The following GALK2 variants were observed in gnomAD, a reference collection of about 807,000 sequenced individuals.
The protein encoded by GALK2 is galactokinase 2.
In GALK2, 36 loss-of-function variants were observed where a neutral mutation model predicts 52.4. The ratio of observed to expected loss-of-function variants is 0.69; its 90% confidence interval spans 0.53 to 0.91. The LOEUF is 0.91. Among genes scored for constraint, GALK2 ranks in the 40% least tolerant of loss-of-function variants. The pLI, the probability that GALK2 is intolerant of heterozygous loss-of-function variation, is 0.00. For synonymous variants in GALK2, 176 were observed against 199.1 expected, an observed-to-expected ratio of 0.88 and a Z score of 0.98; for missense variants, 579 against 559.1, an observed-to-expected ratio of 1.04 and a Z score of -0.36.
At position 49,171,092 on chromosome 15, in the gene GALK2, T is replaced by TC. The variant is rs1485725575; in HGVS notation, c.53+717_53+718insC. Among the ~76,000 whole-genome samples the TC allele has an allele frequency of 5.4e-3, 808 of 149,172 alleles. 8 individuals carry two copies. The highest frequency in any genetic ancestry group is 0.019 in the African/African-American group (768 of 40,098). Reference sequence around the variant, plus strand: ...TTTCTTTTTCTTTTTCTTTTTTTTTTTTTTTTTGAGACGGAGTTTTGCTCT... The same window carrying TC: ...TTTCTTTTTCTTTTTCTTTTTTTTTTCTTTTTTTGAGACGGAGTTTTGCTCT... On this transcript the variant is annotated intron_variant, in intron 1 of 9. Coordinates refer to ENST00000560031, the MANE Select transcript of GALK2 (RefSeq NM_002044.4).
At chr15:49,222,560 A>G (rs2089870477) in intron 3 of GALK2, among the ~76,000 whole-genome samples, 1 of 152,142 alleles carries the variant, frequency 6.6e-6, no homozygotes, top group Admixed American at 6.6e-5. Context: ...GTGTTGTGGT[A>G]TATTTATTCT....
intron 1 of GALK2, among the ~76,000 whole-genome samples, chr15:49,173,247 A>G (rs1441883281): frequency 1.3e-5 from 2 of 152,200 alleles, no homozygotes. Context: ...ATGTATCAGT[A>G]TATCATTCCT....
At chr15:49,324,642 A>G (rs529637856) in intron 9 of GALK2, among the ~76,000 whole-genome samples, 215 of 152,294 alleles carry the variant, frequency 1.4e-3, no homozygotes, top group Non-Finnish European at 2.4e-3. Context: ...CACGGTGTCT[A>G]ACCTGGCTGT....
At chr15:49,199,728 G>A (rs1385459608) in intron 1 of GALK2, among the ~76,000 whole-genome samples, 1 of 152,176 alleles carries the variant, frequency 6.6e-6, no homozygotes, top group African/African-American at 2.4e-5. Context: ...GTTAAGTCTT[G>A]TAGAGTCAAG....
intron 1 of GALK2, among the ~76,000 whole-genome samples, chr15:49,174,307 A>G (rs2085297672): frequency 6.6e-6 from 1 of 152,148 alleles, no homozygotes; most frequent in East Asian, 1.9e-4. Context: ...TGGCCCTGCA[A>G]AAAAGATGTT....
intron 4 of GALK2, 107 bp from the exon 5 acceptor site, chr15:49,239,114 T>G (rs1377324418): frequency 2.0e-5 from 18 of 879,156 alleles, no homozygotes; most frequent in Non-Finnish European, 3.1e-5. Context: ...TCTATAACTA[T>G]TATAAGTCTA....
intron 3 of GALK2, among the ~76,000 whole-genome samples, chr15:49,361,629 T>G (rs974457394): frequency 2.0e-5 from 3 of 152,234 alleles, no homozygotes; most frequent in Non-Finnish European, 4.4e-5. Context: ...TACCACGTTT[T>G]CTTTACCTAG....
chr15:49,367,534 T>C (rs778305075), exon 4 of GALK2: 4 of 1,607,810 alleles, frequency 2.5e-6, no homozygotes, highest in Non-Finnish European at 3.4e-6. Flanking sequence ...TAAGATAATA[T>C]AAAATCAATG....
intron 3 of GALK2, among the ~76,000 whole-genome samples, chr15:49,228,757 G>T (rs1313935464): frequency 1.6e-5 from 2 of 124,146 alleles, no homozygotes; most frequent in Admixed American, 9.6e-5. Context: ...GCAGTGGCAT[G>T]ATGTTGGTTC....
intron 1 of GALK2, chr15:49,195,079 T>G (rs1482430716): frequency 4.4e-6 from 2 of 452,756 alleles, no homozygotes; most frequent in Non-Finnish European, 8.9e-6. Context: ...TTTTATTTTA[T>G]TTGAGATGGA....
chr15:49,282,246 G>A (rs914732781), intron 6 of GALK2, among the ~76,000 whole-genome samples, 161 bp downstream of exon 6: 1 of 152,164 alleles, frequency 6.6e-6, no homozygotes, highest in Non-Finnish European at 1.5e-5. Flanking sequence ...ACTCAAGGCT[G>A]CCACCAGTTA....
At chr15:49,280,863 G>T (rs1482216832) in intron 5 of GALK2, among the ~76,000 whole-genome samples, 1 of 151,594 alleles carries the variant, frequency 6.6e-6, no homozygotes, top group Non-Finnish European at 1.5e-5. Context: ...TTTGAGAAGG[G>T]GTCTTACTCT....
chr15:49,259,936 T>C (rs1188378046), intron 5 of GALK2, among the ~76,000 whole-genome samples: 1 of 151,962 alleles, frequency 6.6e-6, no homozygotes, highest in Non-Finnish European at 1.5e-5. Flanking sequence ...CTGCATAGTA[T>C]TCCATGGTGT....
intron 2 of GALK2, among the ~76,000 whole-genome samples, chr15:49,211,497 G>A (rs1178077387): frequency 6.6e-6 from 1 of 151,994 alleles, no homozygotes; most frequent in Non-Finnish European, 1.5e-5. Flanking sequence ...ACATTTTCAG[G>A]TATCTTTATA....
chr15:49,253,758 T>C lies in GALK2; in HGVS notation c.504+14391T>C. On this transcript the variant is annotated intron_variant, in intron 5 of 9. Coordinates refer to ENST00000560031, the MANE Select transcript of GALK2 (RefSeq NM_002044.4). ...TTACTTAGGACTCTAGACTTTATGTTATATCAAAGAGATATGGAAGATTTC... is the reference window on the plus strand; with the variant it reads ...TTACTTAGGACTCTAGACTTTATGTCATATCAAAGAGATATGGAAGATTTC... Among the ~76,000 whole-genome samples the C allele has an allele frequency of 1.4e-5, 2 of 144,174 alleles. 1 individual carries two copies. The highest frequency in any genetic ancestry group is 3.1e-5 in the Non-Finnish European group (2 of 64,260). 94.6% of individuals were successfully genotyped at this position (144,174 alleles called of 152,430 possible). A position where few individuals can be genotyped will look rare whatever the true frequency, so the allele number is the denominator to read the frequency against.
At position 49,220,419 on chromosome 15, in the gene GALK2, A is replaced by AT. The variant is rs909041715; in HGVS notation, c.266+3114dup. Among the ~76,000 whole-genome samples the AT allele has an allele frequency of 1.6e-3, 243 of 151,506 alleles. 1 individual carries two copies. Among genetic ancestry groups the AT allele is most frequent in the African/African-American group, 5.7e-3 (234 of 41,272 alleles). Reference sequence around the variant, plus strand: ...ACATTGCTGCAAATGACATGATTTTATTTTTTTTATGGCTGAGTAGTATTC... The same window carrying AT: ...ACATTGCTGCAAATGACATGATTTTATTTTTTTTTATGGCTGAGTAGTATTC... On this transcript the variant is annotated intron_variant, in intron 3 of 9. Coordinates refer to ENST00000560031, the MANE Select transcript of GALK2 (RefSeq NM_002044.4).
At chr15:49,243,207 C>T (rs574776019) in intron 5 of GALK2, among the ~76,000 whole-genome samples, 1 of 152,244 alleles carries the variant, frequency 6.6e-6, no homozygotes, top group Admixed American at 6.5e-5. Flanking sequence ...CCATTTCCCC[C>T]TATCTTTGCA....
At chr15:49,283,804 C>G in intron 7 of GALK2, 86 bp downstream of exon 7, 1 of 1,423,018 alleles carries the variant, frequency 7.0e-7, no homozygotes. Flanking sequence ...ATCTCTTTCC[C>G]CAAATTTTAG....
upstream of GALK2, chr15:49,169,077 T>G (rs367654217): frequency 6.5e-6 from 1 of 153,346 alleles, no homozygotes; most frequent in South Asian, 2.1e-4. Flanking sequence ...ATTCACACTT[T>G]GTCTCCATGT....
Sources: gnomAD v4.1 joint callset for allele counts (sites outside exome capture counted in the v4.1 genomes callset) on GRCh38, gnomAD v4.1.1 for gene constraint, MANE v1.5 for transcripts, NCBI Gene and HGNC (gene_info 2026-07-23, HGNC 2026-07-21) for gene names.